CYTH2: variants seen among roughly 807,000 people sequenced by gnomAD.
CYTH2 encodes cytohesin-2.
CYTH2 carries 24 observed loss-of-function variants against 55.4 expected under a neutral mutation model. The ratio of observed to expected loss-of-function variants is 0.43; its 90% CI spans 0.31 to 0.61. The LOEUF (loss-of-function observed/expected upper bound fraction) is 0.61. Among genes scored for constraint, CYTH2 ranks in the 20% least tolerant of loss-of-function variants. The probability of loss-of-function intolerance (pLI) is 0.08; values close to 1 mark genes in which losing one functional copy is unlikely to be tolerated. For synonymous variants in CYTH2, 221 were observed against 209.6 expected (o/e 1.05, Z -0.47); for missense variants, 378 against 533.5 (o/e 0.71, Z 2.87).
rs1972049907 is a variant in CYTH2, at chr19:48,481,875, T to C, written c.*2665T>C. ...CGTTTGTCCTCACTAAAATTCATGT[T>C]GAGATTCGAGCCCCAGTGTGGCAGG... On this transcript the variant is annotated 3_prime_UTR_variant, in exon 12 of 12. Transcript: ENST00000452733. 6.6e-6 allele frequency: 1 copy of C among 151,052 alleles called. No individual in the cohort carries two copies. The highest frequency in any genetic ancestry group is 1.5e-5 in the Non-Finnish European group (1 of 68,026). 9.4% of individuals were successfully genotyped at this position (151,052 alleles called of 1,614,324 possible). A position where few individuals can be genotyped will look rare whatever the true frequency, so the allele number is the denominator to read the frequency against.
intron 1 of CYTH2, chr19:48,470,061 C>T: frequency 1.6e-6 from 1 of 635,872 alleles, no homozygotes; most frequent in Non-Finnish European, 3.0e-6. Flanking sequence ...ACCTAGAAGC[C>T]GAGGCCCCCA....
chr19:48,472,496 C>G, intron 4 of CYTH2, 53 bp downstream of exon 4: 1 of 1,426,994 alleles, frequency 7.0e-7, no homozygotes, highest in Admixed American at 1.9e-5. Context: ...CCCCCAGACC[C>G]AGCTCCTGCC....
chr19:48,473,456 T>C, intron 5 of CYTH2, 78 bp downstream of exon 5: 1 of 1,475,666 alleles, frequency 6.8e-7, no homozygotes, highest in Non-Finnish European at 9.5e-7. Context: ...CAAACCTTAC[T>C]CAAGAAAAAA....
intron 1 of CYTH2, 25 bp from the exon 2 acceptor site, chr19:48,470,326 CTT>C: frequency 1.3e-6 from 2 of 1,587,956 alleles, no homozygotes; most frequent in Non-Finnish European, 1.7e-6. Context: ...CTAGCACTGA[CTT>C]TTAAACCTTG....
In CYTH2 at chr19:48,473,955, G is replaced by A. The variant is rs1471600535; in HGVS notation, c.485G>A (p.Arg162Gln). The A allele has an allele frequency of 2.5e-6, 4 of 1,613,786 alleles. No homozygotes were observed. The highest frequency in any genetic ancestry group is 3.4e-6 in the Non-Finnish European group (4 of 1,179,842). ...CCCGGAGAGGCCCAGAAAATTGACC[G>A]GATGATGGAGGCCTTCGCCCAGCGA... is the stretch of plus-strand genomic sequence containing the variant. ...RLPGEAQKID[R>Q]MMEAFAQRYC... The change falls in exon 6 of 12, where the codon CGG (arginine) becomes CAG (glutamine). Residue 162 changes from arginine to glutamine, a missense_variant. By Grantham distance (43) the Arg-to-Gln change is conservative (BLOSUM62 1). Transcript: ENST00000452733.
Position 48,470,164 on chromosome 19 carries a change from G to A in CYTH2, c.20-189G>A, listed in dbSNP as rs544081126. On this transcript the variant is annotated intron_variant, in intron 1 of 11. Coordinates refer to ENST00000452733, the MANE Select transcript of CYTH2 (RefSeq NM_004228.7). ...GGGCCCCAATTCCCCTTGTCCCCCA[G>A]GACTCAAGAGTTTAGAGCCCCAGCT... is the stretch of plus-strand genomic sequence containing the variant. 5.5e-5 allele frequency: 50 copies of A among 916,138 alleles called. No homozygotes were observed. In the South Asian group the frequency reaches 7.1e-4, roughly 13 times the overall value. 56.8% of individuals were successfully genotyped at this position (916,138 alleles called of 1,614,324 possible). A position where few individuals can be genotyped will look rare whatever the true frequency, so the allele number is the denominator to read the frequency against.
At position 48,470,645 on chromosome 19, in the gene CYTH2, G is replaced by T. The variant is rs1971774964; in HGVS notation, c.210G>T (p.Lys70Asn). 6.2e-7 allele frequency: 1 copy of T among 1,614,122 alleles called. No individual in the cohort carries two copies. The highest frequency in any genetic ancestry group is 8.5e-7 in the Non-Finnish European group (1 of 1,180,052). Residue 70 changes from lysine (K) to asparagine (N), a missense_variant, in exon 3 of 12, where the codon AAG (lysine) becomes AAT (asparagine). Lys to Asn is a moderately conservative substitution (Grantham distance 94). Transcript: ENST00000452733. ...ACCGGAAGATGGCAATGGGCAGGAA[G>T]AAGTTCAACATGGACCCCAAGAAGG... is the stretch of plus-strand genomic sequence containing the variant. ...QRNRKMAMGRKKFNMDPKKGI... is the reference protein window; with the variant it reads ...QRNRKMAMGRNKFNMDPKKGI...
In CYTH2 at chr19:48,474,751, C is replaced by A; in HGVS notation, c.697-87C>A. 1 of 1,126,300 alleles carries A rather than the reference C, an allele frequency of 8.9e-7. No homozygotes were observed. Among genetic ancestry groups the A allele is most frequent in the Non-Finnish European group, 1.3e-6 (1 of 745,700 alleles). 69.8% of individuals were successfully genotyped at this position (1,126,300 alleles called of 1,614,324 possible). On this transcript the variant is annotated intron_variant, in intron 7 of 11. Coordinates refer to ENST00000452733, the MANE Select transcript of CYTH2 (RefSeq NM_004228.7). The surrounding 1 kb of genome is among the most constrained non-coding windows in gnomAD (Gnocchi z 4.9). ...TCTCTCTTCCCCACTATGAGTCATC[C>A]CATCCCTGGTCTCGCTGCCCCCCAC...
In CYTH2 at chr19:48,478,159, G is replaced by T; in HGVS notation, c.885+14G>T. On this transcript the variant is annotated intron_variant, in intron 9 of 11. Transcript: ENST00000452733. ...GAGTACACCACGGTGAGCGTGACCC[G>T]ACCCGGGCTCTGGGGTCCTGGGCGG... The T allele has an allele frequency of 6.2e-7, 1 of 1,613,614 alleles. No individual in the cohort carries two copies. Among genetic ancestry groups the T allele is most frequent in the Non-Finnish European group, 8.5e-7 (1 of 1,179,632 alleles).
At chr19:48,478,198 C>T (rs1161181518) in intron 9 of CYTH2, 53 bp downstream of exon 9, 1 of 1,612,210 alleles carries the variant, frequency 6.2e-7, no homozygotes, top group East Asian at 2.2e-5. Flanking sequence ...GGCTGGGAGC[C>T]TGGACTCCTG....
chr19:48,472,538 C>T (rs771284210), intron 4 of CYTH2, 95 bp downstream of exon 4: 3 of 998,868 alleles, frequency 3.0e-6, no homozygotes, highest in Non-Finnish European at 4.6e-6. Context: ...TGGAACAGCC[C>T]TGCAGCCTCC....
intron 1 of CYTH2, 149 bp downstream of exon 1, chr19:48,469,675 C>T (rs1353207634): frequency 4.9e-6 from 6 of 1,232,250 alleles, no homozygotes; most frequent in East Asian, 2.8e-5. Context: ...GGGCGCTGGA[C>T]GGGCTTCCGG....
rs1972052371 is a variant in CYTH2, at chr19:48,482,054, A to G, written c.*2844A>G. 6.6e-6 allele frequency: 1 copy of G among 152,152 alleles called. No individual in the cohort carries two copies. Among genetic ancestry groups the G allele is most frequent in the Admixed American group, 6.6e-5 (1 of 15,254 alleles). The allele number at this position is 152,152 out of a possible 1,614,324, so 9.4% of individuals were successfully genotyped here. A position where few individuals can be genotyped will look rare whatever the true frequency, so the allele number is the denominator to read the frequency against. ...CCCTTGCTTCCTTCAGCACCATGTG[A>G]TCTCTGTGCACACAGCTGCATCCTT... On this transcript the variant is annotated 3_prime_UTR_variant, in exon 12 of 12. Transcript: ENST00000452733.
chr19:48,474,482 C>T lies in CYTH2; in HGVS notation c.696+152C>T, dbSNP rs1230631826. 2.2e-6 allele frequency: 2 copies of T among 918,794 alleles called. No homozygotes were observed. Among genetic ancestry groups the T allele is most frequent in the South Asian group, 1.8e-5 (1 of 55,104 alleles). The allele number at this position is 918,794 out of a possible 1,614,324, so 56.9% of individuals were successfully genotyped here. ...TCGTGTGTGATCTTTTTCTCTCTCT[C>T]TGGGTGCTTCTCTTCTTGACTGTCT... On this transcript the variant is annotated intron_variant, in intron 7 of 11. Transcript: ENST00000452733. This position sits in a 1 kb window ranked among gnomAD's most constrained non-coding sequence, Gnocchi z 4.9.
intron 3 of CYTH2, among the ~76,000 whole-genome samples, chr19:48,471,291 A>C (rs1323155742): frequency 6.6e-6 from 1 of 151,684 alleles, no homozygotes; most frequent in Non-Finnish European, 1.5e-5. Flanking sequence ...AGCTGGGCTT[A>C]CAGGCTCCCA....
At chr19:48,478,038 C>G in intron 8 of CYTH2, 31 bp from the exon 9 acceptor site, 5 of 1,596,962 alleles carry the variant, frequency 3.1e-6, no homozygotes, top group Non-Finnish European at 4.3e-6. Context: ...CCCTGTTGAG[C>G]CCAGGCCCCC....
chr19:48,473,225 C>G (rs1971840116), intron 4 of CYTH2, 73 bp from the exon 5 acceptor site: 1 of 1,536,396 alleles, frequency 6.5e-7, no homozygotes, highest in Non-Finnish European at 9.0e-7. Flanking sequence ...CACGACTTCC[C>G]CAGGGCATTG....
intron 10 of CYTH2, 34 bp from the exon 11 acceptor site, chr19:48,478,404 G>A: frequency 6.2e-7 from 1 of 1,613,306 alleles, no homozygotes. Context: ...CCCAGGGCTG[G>A]TTCTTACCTG....
At position 48,478,560 on chromosome 19, in the gene CYTH2, G is replaced by A. The variant is rs776170147; in HGVS notation, c.1080G>A (p.Gln360=). The change falls in exon 11 of 12, where the codon CAG becomes CAA. Residue 360 remains glutamine (Q), a synonymous_variant. Transcript: ENST00000452733. ...HMVYRISAPT[Q]EEKDEWIKSI... The stretch of plus-strand genomic sequence containing the variant: ...TGTACCGGATCTCGGCCCCCACGCA[G>A]GAGGAGAAGGACGAGTGGATCAAGT... The A allele has an allele frequency of 8.7e-6, 14 of 1,613,670 alleles. No individual in the cohort carries two copies. The South Asian group carries it at 1.5e-4, about 18-fold the overall frequency.
Sources: gnomAD v4.1 joint callset for allele counts (sites outside exome capture counted in the v4.1 genomes callset) on GRCh38, gnomAD v4.1.1 for gene constraint, Gnocchi (gnomAD v3.1) non-coding constraint, MANE v1.5 for transcripts, NCBI Gene and HGNC (gene_info 2026-07-23, HGNC 2026-07-21) for gene names.